The following RHO variants were observed in gnomAD, a reference collection of about 807,000 sequenced individuals.
RHO encodes rhodopsin.
In RHO, 21 loss-of-function variants were observed where a neutral mutation model predicts 31.2. The observed-to-expected ratio is 0.67, with a 90% confidence interval of 0.48 to 0.97. RHO has a LOEUF of 0.97. Ranked by LOEUF, RHO falls within the 50% of genes least tolerant of loss-of-function variation. RHO has a pLI of 0.00. For missense variants in RHO, 414 were observed against 479.5 expected (o/e 0.86, Z 1.28); for synonymous variants, 211 against 196.6 (o/e 1.07, Z -0.61).
chr3:129,531,916 A>G (rs2084782779), intron 2 of RHO, among the ~76,000 whole-genome samples: 1 of 152,212 alleles, frequency 6.6e-6, no homozygotes, highest in Admixed American at 6.5e-5. Context: ...CCTCAAATGC[A>G]GAGCCTGAGG....
chr3:129,529,080 T>A lies in RHO; in HGVS notation c.347T>A (p.Phe116Tyr), dbSNP rs148801522. ...ACAGGATGCAATTTGGAGGGCTTCT[T>A]TGCCACCCTGGGCGGTATGAGCCGG... The part of the protein sequence containing the change: ...GPTGCNLEGF[F>Y]ATLGGEIALW... The change falls in exon 1 of 5, where the codon TTT becomes TAT. Residue 116 changes from phenylalanine (F) to tyrosine (Y), a missense_variant. Coordinates refer to ENST00000296271, the MANE Select transcript of RHO (RefSeq NM_000539.3). The A allele has an allele frequency of 6.8e-6, 11 of 1,612,916 alleles. No individual in the cohort carries two copies. The African/African-American group carries it at 1.5e-4, about 22-fold the overall frequency.
chr3:129,529,727 G>A (rs1178849428), intron 1 of RHO, among the ~76,000 whole-genome samples: 1 of 152,220 alleles, frequency 6.6e-6, no homozygotes, highest in African/African-American at 2.4e-5. Flanking sequence ...GTTGAGAACC[G>A]CAAGCAGCCG....
chr3:129,532,903 C>A lies in RHO; in HGVS notation c.936+131C>A, dbSNP rs947197037. 2 of 1,205,450 alleles carry A rather than the reference C, an allele frequency of 1.7e-6. No homozygotes were observed. The highest frequency in any genetic ancestry group is 1.2e-6 in the Non-Finnish European group (1 of 832,790). 74.7% of individuals were successfully genotyped at this position (1,205,450 alleles called of 1,614,324 possible). ...GGCAGCAGTCTTGGGTCAGCAGTCC[C>A]AATGGGGAGTGTGTGAGAAATGCAG... is the stretch of plus-strand genomic sequence containing the variant. On this transcript the variant is annotated intron_variant, in intron 4 of 4. Coordinates refer to ENST00000296271, the MANE Select transcript of RHO (RefSeq NM_000539.3). The surrounding 1 kb of genome is among the most constrained non-coding windows in gnomAD (Gnocchi z 5.5).
rs1003611523 is a variant in RHO, at chr3:129,534,986, C to T, written c.*1268C>T. On this transcript the variant is annotated 3_prime_UTR_variant, in exon 5 of 5. Coordinates refer to ENST00000296271, the MANE Select transcript of RHO (RefSeq NM_000539.3). ...CATCTTCAGCAGTTGCTAGTCCATT[C>T]TCCATTCTGGAGAATCTGCTCCAAA... 1.3e-5 allele frequency: 2 copies of T among 152,676 alleles called. No homozygotes were observed. The highest frequency in any genetic ancestry group is 4.8e-5 in the African/African-American group (2 of 41,460). 9.5% of individuals were successfully genotyped at this position (152,676 alleles called of 1,614,324 possible).
rs765139791 is a variant in RHO, at chr3:129,531,053, A to C, written c.530+9A>C. On this transcript the variant is annotated intron_variant, in intron 2 of 4. Coordinates refer to ENST00000296271, the MANE Select transcript of RHO (RefSeq NM_000539.3). ...CTCGCCGGCTGGTCCAGGTAATGGC[A>C]CTGAGCAGAAGGGAAGAAGCTCCGG... 1.9e-6 allele frequency: 3 copies of C among 1,612,766 alleles called. No individual in the cohort carries two copies. In the East Asian group the frequency reaches 6.7e-5, roughly 36 times the overall value.
At position 129,532,545 on chromosome 3, in the gene RHO, C is replaced by T; in HGVS notation, c.709C>T (p.Gln237Ter). ...CCGTGTCCTGCAGGCCGCTGCCCAG[C>T]AGCAGGAGTCAGCCACCACACAGAA... is the stretch of plus-strand genomic sequence containing the variant. ...VFTVKEAAAQQQESATTQKAE... is the reference protein window; with the variant it reads ...VFTVKEAAAQ The change falls in exon 4 of 5, where the codon CAG (glutamine) becomes TAG (stop). Residue 237 changes from glutamine (Q) to a stop codon, truncating the protein, a stop_gained. Transcript: ENST00000296271. LOFTEE classifies it high-confidence loss of function. The surrounding 1 kb of genome is among the most constrained non-coding windows in gnomAD (Gnocchi z 5.5). 1 of 1,614,118 alleles carries T rather than the reference C, an allele frequency of 6.2e-7. No homozygotes were observed. Among genetic ancestry groups the T allele is most frequent in the Non-Finnish European group, 8.5e-7 (1 of 1,180,034 alleles).
Position 129,532,183 on chromosome 3 carries a change from G to C in RHO, c.531-68G>C. 2.2e-6 allele frequency: 3 copies of C among 1,348,798 alleles called. No homozygotes were observed. The highest frequency in any genetic ancestry group is 3.2e-6 in the Non-Finnish European group (3 of 939,746). 83.6% of individuals were successfully genotyped at this position (1,348,798 alleles called of 1,614,324 possible). On this transcript the variant is annotated intron_variant, in intron 2 of 4. Coordinates refer to ENST00000296271, the MANE Select transcript of RHO (RefSeq NM_000539.3). The surrounding 1 kb of genome is among the most constrained non-coding windows in gnomAD (Gnocchi z 5.5). ...ATGTGAAGCCCCAGAAAGGGCCAGC[G>C]CTCGGCAGCCACCTTGGCTGTTCCC...
intron 1 of RHO, among the ~76,000 whole-genome samples, chr3:129,530,395 A>G (rs1285128834): frequency 1.3e-5 from 2 of 151,826 alleles, no homozygotes; most frequent in African/African-American, 4.8e-5. Flanking sequence ...GGGTTATTTC[A>G]TTTCCCGAGA....
rs2084791045 is a variant in RHO at position 129,532,687 on chromosome 3, G to A, written c.851G>A (p.Gly284Asp). The change falls in exon 4 of 5, where the codon GGT becomes GAT. Residue 284 changes from glycine (G) to aspartate (D), a missense_variant. Physicochemically the swap from Gly to Asp is moderately conservative, Grantham distance 94. Coordinates refer to ENST00000296271, the MANE Select transcript of RHO (RefSeq NM_000539.3). The surrounding 1 kb of genome is among the most constrained non-coding windows in gnomAD (Gnocchi z 5.5). Reference sequence around the variant, plus strand: ...TTCACCCACCAGGGCTCCAACTTCGGTCCCATCTTCATGACCATCCCAGCG... The same window carrying A: ...TTCACCCACCAGGGCTCCAACTTCGATCCCATCTTCATGACCATCCCAGCG... ...YIFTHQGSNF[G>D]PIFMTIPAFF... 2.5e-6 allele frequency: 4 copies of A among 1,614,246 alleles called. No individual in the cohort carries two copies. Among genetic ancestry groups the A allele is most frequent in the Non-Finnish European group, 3.4e-6 (4 of 1,180,050 alleles).
Position 129,529,086 on chromosome 3 carries a change from C to A in RHO, c.353C>A (p.Thr118Asn). The A allele has an allele frequency of 6.2e-7, 1 of 1,612,468 alleles. No individual in the cohort carries two copies. Among genetic ancestry groups the A allele is most frequent in the Non-Finnish European group, 8.5e-7 (1 of 1,179,038 alleles). ...TGCAATTTGGAGGGCTTCTTTGCCACCCTGGGCGGTATGAGCCGGGTGTGG... is the reference window on the plus strand; with the variant it reads ...TGCAATTTGGAGGGCTTCTTTGCCAACCTGGGCGGTATGAGCCGGGTGTGG... ...TGCNLEGFFA[T>N]LGGEIALWSL... Residue 118 changes from threonine (T) to asparagine (N), a missense_variant, in exon 1 of 5, where the codon ACC becomes AAC. By Grantham distance (65) the Thr-to-Asn change is moderately conservative. Transcript: ENST00000296271.
In RHO at chr3:129,532,508, T is replaced by G; in HGVS notation, c.697-25T>G. On this transcript the variant is annotated intron_variant, in intron 3 of 4. Transcript: ENST00000296271. The surrounding 1 kb of genome is among the most constrained non-coding windows in gnomAD (Gnocchi z 5.5). ...CCTGCTCCCTGGAGGAGCCATGGTC[T>G]GGACCCGGGTCCCGTGTCCTGCAGG... 2 of 1,613,968 alleles carry G rather than the reference T, an allele frequency of 1.2e-6. No individual in the cohort carries two copies. The highest frequency in any genetic ancestry group is 1.7e-6 in the Non-Finnish European group (2 of 1,180,030).
In RHO at chr3:129,529,056, C is replaced by T. The variant is rs1578278435; in HGVS notation, c.323C>T (p.Thr108Ile). The T allele has an allele frequency of 1.9e-6, 3 of 1,613,414 alleles. No homozygotes were observed. The African/African-American group carries it at 4.0e-5, about 22-fold the overall frequency. ...SLHGYFVFGPTGCNLEGFFAT... is the reference protein window; with the variant it reads ...SLHGYFVFGPIGCNLEGFFAT... ...CATGGATACTTCGTCTTCGGGCCCA[C>T]AGGATGCAATTTGGAGGGCTTCTTT... Residue 108 changes from threonine to isoleucine, a missense_variant, in exon 1 of 5, where the codon ACA becomes ATA. Physicochemically the swap from Thr to Ile is moderately conservative, Grantham distance 89 (BLOSUM62 -1). Coordinates refer to ENST00000296271, the MANE Select transcript of RHO (RefSeq NM_000539.3).
chr3:129,533,191 G>A (rs1282771985), intron 4 of RHO, among the ~76,000 whole-genome samples: 1 of 152,180 alleles, frequency 6.6e-6, no homozygotes, highest in African/African-American at 2.4e-5. Context: ...ACCTCCGAGG[G>A]GTAAACAGTT....
intron 1 of RHO, among the ~76,000 whole-genome samples, chr3:129,530,533 A>AAAACACACACAC (rs2084771508): frequency 8.1e-6 from 1 of 122,898 alleles, no homozygotes; most frequent in East Asian, 2.4e-4. Flanking sequence ...ACACACACAC[A>AAAACACACACAC]ACACACACAC....
intron 2 of RHO, 22 bp downstream of exon 2, chr3:129,531,066 G>C: frequency 6.2e-7 from 1 of 1,611,214 alleles, no homozygotes; most frequent in Non-Finnish European, 8.5e-7. Context: ...GAGCAGAAGG[G>C]AAGAAGCTCC....
At chr3:129,531,182 G>A in intron 2 of RHO, 138 bp downstream of exon 2, 2 of 965,706 alleles carry the variant, frequency 2.1e-6, no homozygotes, top group Non-Finnish European at 1.6e-6. Flanking sequence ...TCAGGGTAGG[G>A]GTGTAGGGCA....
At chr3:129,529,698 G>A (rs540386305) in intron 1 of RHO, among the ~76,000 whole-genome samples, 3 of 152,348 alleles carry the variant, frequency 2.0e-5, no homozygotes, top group East Asian at 1.9e-4. Flanking sequence ...CCTCCCTGCC[G>A]CGTTCCAAGT....
chr3:129,530,847 G>C, intron 1 of RHO, 29 bp from the exon 2 acceptor site: 2 of 1,614,190 alleles, frequency 1.2e-6, no homozygotes, highest in African/African-American at 1.3e-5. Flanking sequence ...AGTGGGGTCT[G>C]TGCTGACCGC....
Position 129,532,390 on chromosome 3 carries a change from G to A in RHO, c.670G>A (p.Gly224Arg), listed in dbSNP as rs759021503. Reference protein sequence around the residue: ...IPMIIIFFCYGQLVFTVKEAA... With the variant: ...IPMIIIFFCYRQLVFTVKEAA... The stretch of plus-strand genomic sequence containing the variant: ...CATGATTATCATCTTTTTCTGCTAT[G>A]GGCAGCTCGTCTTCACCGTCAAGGA... The change falls in exon 3 of 5, where the codon GGG becomes AGG. Residue 224 changes from glycine to arginine, a missense_variant. Coordinates refer to ENST00000296271, the MANE Select transcript of RHO (RefSeq NM_000539.3). The surrounding 1 kb of genome is among the most constrained non-coding windows in gnomAD (Gnocchi z 5.5). 2.2e-5 allele frequency: 36 copies of A among 1,613,928 alleles called. 1 individual carries two copies. The highest frequency in any genetic ancestry group is 2.9e-5 in the Non-Finnish European group (34 of 1,180,040).
Sources: gnomAD v4.1 joint callset for allele counts (sites outside exome capture counted in the v4.1 genomes callset) on GRCh38, gnomAD v4.1.1 for gene constraint, Gnocchi (gnomAD v3.1) non-coding constraint, MANE v1.5 for transcripts, NCBI Gene and HGNC (gene_info 2026-07-23, HGNC 2026-07-21) for gene names.